GTF2H5: variants seen among roughly 807,000 people sequenced by gnomAD.
The protein encoded by GTF2H5 is TFB5 ortholog.
In GTF2H5, 5 loss-of-function variants were observed where a neutral mutation model predicts 7.1. The ratio of observed to expected loss-of-function variants is 0.71; its 90% CI spans 0.37 to 1.49. The LOEUF (loss-of-function observed/expected upper bound fraction) is 1.49, where lower values mean the gene tolerates loss of function less well. GTF2H5 is among the 40% of genes most tolerant of loss of function. The pLI is 0.03. For missense variants in GTF2H5, 80 were observed against 83.0 expected (o/e 0.96, Z 0.14); for synonymous variants, 30 against 31.7 (o/e 0.95, Z 0.18).
chr6:158,177,413 A>G (rs1475712969), intron 2 of GTF2H5, among the ~76,000 whole-genome samples: 2 of 152,198 alleles, frequency 1.3e-5, no homozygotes, highest in African/African-American at 4.8e-5. Flanking sequence ...CACAAATGCA[A>G]GGGAGACAGT....
intron 2 of GTF2H5, among the ~76,000 whole-genome samples, chr6:158,179,767 A>G (rs933013866): frequency 2.0e-5 from 3 of 152,186 alleles, no homozygotes; most frequent in Non-Finnish European, 2.9e-5. Flanking sequence ...TAAATATACA[A>G]TCATGTCATC....
rs572371409 is a variant in GTF2H5, at chr6:158,198,428, C to CTTTAT, written c.*6285_*6289dup. 1 of 152,152 alleles carries CTTTAT rather than the reference C, an allele frequency of 6.6e-6. No individual in the cohort carries two copies. The highest frequency in any genetic ancestry group is 2.4e-5 in the African/African-American group (1 of 41,434). 9.4% of individuals were successfully genotyped at this position (152,152 alleles called of 1,614,324 possible). A position where few individuals can be genotyped will look rare whatever the true frequency, so the allele number is the denominator to read the frequency against. ...AGACATTTACTGAGTCCAGTTTGGACTTTATTTTATTTTATTTTTTTTGAA... is the reference window on the plus strand; with the variant it reads ...AGACATTTACTGAGTCCAGTTTGGACTTTATTTTATTTTATTTTATTTTTTTTGAA... On this transcript the variant is annotated 3_prime_UTR_variant, in exon 3 of 3. Coordinates refer to ENST00000607778, the MANE Select transcript of GTF2H5 (RefSeq NM_207118.3).
chr6:158,178,864 T>C (rs1785969139), intron 2 of GTF2H5, among the ~76,000 whole-genome samples: 1 of 152,222 alleles, frequency 6.6e-6, no homozygotes, highest in African/African-American at 2.4e-5. Flanking sequence ...TAGATCCCAC[T>C]TGTCATTATT....
chr6:158,175,445 CAAT>C (rs1785920591), intron 2 of GTF2H5, among the ~76,000 whole-genome samples: 1 of 152,180 alleles, frequency 6.6e-6, no homozygotes, highest in Non-Finnish European at 1.5e-5. Flanking sequence ...TCCTTTAACA[CAAT>C]AACTCCGTTT....
chr6:158,170,347 C>G (rs1305942880), intron 1 of GTF2H5, 123 bp from the exon 2 acceptor site: 24 of 640,986 alleles, frequency 3.7e-5, no homozygotes, highest in Non-Finnish European at 6.4e-5. Flanking sequence ...TGTTAACTGT[C>G]TTTCATAGAC....
intron 1 of GTF2H5, among the ~76,000 whole-genome samples, chr6:158,169,607 T>TATAC (rs1562468794): frequency 3.1e-5 from 2 of 64,682 alleles, no homozygotes; most frequent in African/African-American, 1.6e-4. Flanking sequence ...ATTACATATA[T>TATAC]TGTATATTAC....
At position 158,195,428 on chromosome 6, in the gene GTF2H5, G is replaced by A. The variant is rs1041055319; in HGVS notation, c.*3271G>A. The A allele has an allele frequency of 1.3e-5, 2 of 152,130 alleles. No individual in the cohort carries two copies. The highest frequency in any genetic ancestry group is 2.4e-5 in the African/African-American group (1 of 41,422). The allele number at this position is 152,130 out of a possible 1,614,324, so 9.4% of individuals were successfully genotyped here. A position where few individuals can be genotyped will look rare whatever the true frequency, so the allele number is the denominator to read the frequency against. ...TTCCAATTTCCTTGTGAAATTTCAT[G>A]TGATTAATTTAAAATTCCAGGGATC... is the stretch of plus-strand genomic sequence containing the variant. On this transcript the variant is annotated 3_prime_UTR_variant, in exon 3 of 3. Transcript: ENST00000607778.
chr6:158,182,691 T>C (rs1483139332), intron 2 of GTF2H5, among the ~76,000 whole-genome samples: 1 of 152,004 alleles, frequency 6.6e-6, no homozygotes, highest in African/African-American at 2.4e-5. Flanking sequence ...TGTATGTGCT[T>C]CACGAAGTTC....
intron 2 of GTF2H5, among the ~76,000 whole-genome samples, chr6:158,186,853 A>G (rs1288142143): frequency 1.3e-5 from 2 of 152,246 alleles, no homozygotes; most frequent in Non-Finnish European, 1.5e-5. Context: ...GTTATTATCT[A>G]AAGACCTGGA....
intron 1 of GTF2H5, among the ~76,000 whole-genome samples, chr6:158,169,803 A>ATATTATATATTATATATTGTG (rs1785820829): frequency 8.8e-6 from 1 of 113,156 alleles, no homozygotes; most frequent in African/African-American, 3.6e-5. Flanking sequence ...TATATATTGT[A>ATATTATATATTATATATTGTG]TATTATATAT....
chr6:158,198,053 A>T lies in GTF2H5; in HGVS notation c.*5896A>T, dbSNP rs1172105739. 6.6e-6 allele frequency: 1 copy of T among 152,250 alleles called. No homozygotes were observed. The highest frequency in any genetic ancestry group is 1.5e-5 in the Non-Finnish European group (1 of 68,044). The allele number at this position is 152,250 out of a possible 1,614,324, so 9.4% of individuals were successfully genotyped here. A position where few individuals can be genotyped will look rare whatever the true frequency, so the allele number is the denominator to read the frequency against. The stretch of plus-strand genomic sequence containing the variant: ...TTTGAAGTCCCCTCAGATATAAAGC[A>T]GAACGTTATGAAACTGAGTTACCTT... On this transcript the variant is annotated 3_prime_UTR_variant, in exon 3 of 3. Coordinates refer to ENST00000607778, the MANE Select transcript of GTF2H5 (RefSeq NM_207118.3).
intron 2 of GTF2H5, among the ~76,000 whole-genome samples, chr6:158,185,527 T>C (rs1258816888): frequency 7.4e-6 from 1 of 134,656 alleles, no homozygotes; most frequent in African/African-American, 3.0e-5. Context: ...GGCAACAGAG[T>C]GAGGCCCTGT....
Position 158,192,035 on chromosome 6 carries a change from A to G in GTF2H5, c.94A>G (p.Lys32Glu). The G allele has an allele frequency of 6.2e-7, 1 of 1,614,052 alleles. No homozygotes were observed. Among genetic ancestry groups the G allele is most frequent in the Non-Finnish European group, 8.5e-7 (1 of 1,179,884 alleles). ...GGATGAGTCCAATGCCCTGGGGAAG[A>G]AGTTCATCATTCAAGACATTGATGA... The part of the protein sequence containing the change: ...YLDESNALGK[K>E]FIIQDIDDTH... Residue 32 changes from lysine to glutamate, a missense_variant, in exon 3 of 3, where the codon AAG becomes GAG. Coordinates refer to ENST00000607778, the MANE Select transcript of GTF2H5 (RefSeq NM_207118.3).
rs2128432341 is a variant in GTF2H5, at chr6:158,192,851, G to A, written c.*694G>A. 1 of 130,428 alleles carries A rather than the reference G, an allele frequency of 7.7e-6. No individual in the cohort carries two copies. Among genetic ancestry groups the A allele is most frequent in the South Asian group, 2.4e-4 (1 of 4,110 alleles). 8.1% of individuals were successfully genotyped at this position (130,428 alleles called of 1,614,324 possible). A position where few individuals can be genotyped will look rare whatever the true frequency, so the allele number is the denominator to read the frequency against. On this transcript the variant is annotated 3_prime_UTR_variant, in exon 3 of 3. Transcript: ENST00000607778. ...GATTGCTTGAGCCCAGGAGTCCGAG[G>A]TTGCTACAAAAACACCATTGCACTC... is the stretch of plus-strand genomic sequence containing the variant.
intron 2 of GTF2H5, among the ~76,000 whole-genome samples, chr6:158,179,044 G>A (rs761955011): frequency 1.4e-4 from 22 of 152,054 alleles, no homozygotes; most frequent in East Asian, 5.8e-4. Flanking sequence ...GAAAGGGTCC[G>A]GTTTCAGTTT....
intron 2 of GTF2H5, among the ~76,000 whole-genome samples, chr6:158,186,444 T>C (rs181361823): frequency 2.6e-3 from 399 of 152,364 alleles, no homozygotes; most frequent in Non-Finnish European, 4.6e-3. Flanking sequence ...AGTTAATCTA[T>C]CACATGCAGA....
At position 158,195,810 on chromosome 6, in the gene GTF2H5, G is replaced by A. The variant is rs1210130804; in HGVS notation, c.*3653G>A. 6.6e-6 allele frequency: 1 copy of A among 152,172 alleles called. No homozygotes were observed. The highest frequency in any genetic ancestry group is 1.5e-5 in the Non-Finnish European group (1 of 68,038). 9.4% of individuals were successfully genotyped at this position (152,172 alleles called of 1,614,324 possible). A position where few individuals can be genotyped will look rare whatever the true frequency, so the allele number is the denominator to read the frequency against. On this transcript the variant is annotated 3_prime_UTR_variant, in exon 3 of 3. Coordinates refer to ENST00000607778, the MANE Select transcript of GTF2H5 (RefSeq NM_207118.3). Reference sequence around the variant, plus strand: ...TATCTTAACAAACTTAACAGATGGGGAAGGGGTATATTTTAAAGATGGAGA... The same window carrying A: ...TATCTTAACAAACTTAACAGATGGGAAAGGGGTATATTTTAAAGATGGAGA...
chr6:158,176,012 TTAA>T (rs1400768339), intron 2 of GTF2H5, among the ~76,000 whole-genome samples: 1 of 152,202 alleles, frequency 6.6e-6, no homozygotes, highest in Non-Finnish European at 1.5e-5. Flanking sequence ...CTTGCTAATA[TTAA>T]TTTAGTTTTC....
chr6:158,169,685 A>T lies in GTF2H5; in HGVS notation c.-34-785A>T, dbSNP rs1303266806. Among the ~76,000 whole-genome samples, 8 of 43,752 alleles carry T rather than the reference A, an allele frequency of 1.8e-4. 1 individual carries two copies. The highest frequency in any genetic ancestry group is 6.2e-4 in the African/African-American group (3 of 4,848). 28.7% of individuals were successfully genotyped at this position (43,752 alleles called of 152,430 possible). On this transcript the variant is annotated intron_variant, in intron 1 of 2. Coordinates refer to ENST00000607778, the MANE Select transcript of GTF2H5 (RefSeq NM_207118.3). Reference sequence around the variant, plus strand: ...ATATATTGTATATTATATAATATATAATATATATTATATAATATATTGTAT... The same window carrying T: ...ATATATTGTATATTATATAATATATTATATATATTATATAATATATTGTAT...
Sources: gnomAD v4.1 joint callset for allele counts (sites outside exome capture counted in the v4.1 genomes callset) on GRCh38, gnomAD v4.1.1 for gene constraint, MANE v1.5 for transcripts, NCBI Gene and HGNC (gene_info 2026-07-23, HGNC 2026-07-21) for gene names.